Variants in UST observed in about 807,000 individuals in gnomAD.
UST encodes the protein uronyl 2-sulfotransferase.
In UST, 21 loss-of-function variants were observed where a neutral mutation model predicts 45.6. The observed-to-expected ratio is 0.46, with a 90% CI of 0.33 to 0.66. UST has a LOEUF of 0.66. UST is among the 30% of genes least tolerant of loss of function. The probability of loss-of-function intolerance (pLI) is 0.02; values close to 1 mark genes in which losing one functional copy is unlikely to be tolerated. For synonymous variants in UST, 215 were observed against 200.6 expected (o/e 1.07, Z -0.61); for missense variants, 463 against 512.4 (o/e 0.90, Z 0.93).
At chr6:148,951,120 C>A (rs1219932289) in intron 3 of UST, among the ~76,000 whole-genome samples, 1 of 152,208 alleles carries the variant, frequency 6.6e-6, no homozygotes, top group Non-Finnish European at 1.5e-5. Flanking sequence ...GGAGGGCTCT[C>A]ATTTGGCTGG....
At chr6:148,984,680 G>A (rs1024494285) in intron 5 of UST, among the ~76,000 whole-genome samples, 2 of 152,168 alleles carry the variant, frequency 1.3e-5, no homozygotes, top group African/African-American at 4.8e-5. Context: ...GGCTATAGGT[G>A]TGCACTACCC....
intron 6 of UST, among the ~76,000 whole-genome samples, 165 bp from the exon 7 acceptor site, chr6:149,021,159 G>A (rs1316241441): frequency 6.6e-6 from 1 of 152,208 alleles, no homozygotes; most frequent in East Asian, 1.9e-4. Flanking sequence ...CAGTTGGAAG[G>A]ACTGGGAAGG....
At chr6:148,825,407 C>G (rs1052093889) in intron 1 of UST, among the ~76,000 whole-genome samples, 4 of 152,148 alleles carry the variant, frequency 2.6e-5, no homozygotes, top group African/African-American at 9.7e-5. Context: ...TGGGTGCCTA[C>G]TTACCCAAAA....
chr6:148,925,942 C>G (rs1779806534), intron 2 of UST, among the ~76,000 whole-genome samples: 1 of 152,182 alleles, frequency 6.6e-6, no homozygotes, highest in African/African-American at 2.4e-5. Context: ...TTACCGTGAC[C>G]TAGCAGATTA....
intron 7 of UST, among the ~76,000 whole-genome samples, chr6:149,022,701 A>C (rs999626394): frequency 2.3e-4 from 35 of 152,186 alleles, no homozygotes; most frequent in African/African-American, 7.5e-4. Context: ...CACCTGCATC[A>C]CTGGTAGGTC....
chr6:149,075,521 A>C lies in UST; in HGVS notation c.*1405A>C, dbSNP rs1380453938. The C allele has an allele frequency of 6.6e-6, 1 of 152,114 alleles. No individual in the cohort carries two copies. Among genetic ancestry groups the C allele is most frequent in the Non-Finnish European group, 1.5e-5 (1 of 68,024 alleles). The allele number at this position is 152,114 out of a possible 1,614,324, so 9.4% of individuals were successfully genotyped here. A position where few individuals can be genotyped will look rare whatever the true frequency, so the allele number is the denominator to read the frequency against. On this transcript the variant is annotated 3_prime_UTR_variant, in exon 8 of 8. Coordinates refer to ENST00000367463, the MANE Select transcript of UST (RefSeq NM_005715.3). ...GCTGCCTCCAATGTGATGTGAGTACATGTTGGGCAGTCTCACTGTCCTAAG... is the reference window on the plus strand; with the variant it reads ...GCTGCCTCCAATGTGATGTGAGTACCTGTTGGGCAGTCTCACTGTCCTAAG...
chr6:149,010,210 G>T (rs1775782975), intron 5 of UST, among the ~76,000 whole-genome samples: 1 of 152,126 alleles, frequency 6.6e-6, no homozygotes, highest in African/African-American at 2.4e-5. Flanking sequence ...TAAATATTTT[G>T]TTATAGAAAT....
chr6:149,048,806 A>G (rs1281270118), intron 7 of UST, among the ~76,000 whole-genome samples: 1 of 152,242 alleles, frequency 6.6e-6, no homozygotes, highest in Non-Finnish European at 1.5e-5. Flanking sequence ...TATTAAAATG[A>G]GACCATATTT....
chr6:148,906,231 GTTTC>G (rs1326620142), intron 2 of UST, among the ~76,000 whole-genome samples: 2 of 150,812 alleles, frequency 1.3e-5, no homozygotes, highest in African/African-American at 5.0e-5. Context: ...TGCTTCTGCC[GTTTC>G]TTTCTTCCTC....
intron 2 of UST, among the ~76,000 whole-genome samples, chr6:148,917,704 G>T (rs1042537451): frequency 6.6e-6 from 1 of 152,174 alleles, no homozygotes; most frequent in African/African-American, 2.4e-5. Flanking sequence ...CTATGTGGGG[G>T]CAGGGGTCAG....
chr6:148,867,382 G>T (rs1167326811), intron 1 of UST, among the ~76,000 whole-genome samples: 1 of 151,648 alleles, frequency 6.6e-6, no homozygotes, highest in Non-Finnish European at 1.5e-5. Context: ...GTAAAATTCT[G>T]TGCTATAGCA....
At chr6:148,777,463 A>T (rs534223512) in intron 1 of UST, among the ~76,000 whole-genome samples, 1 of 152,364 alleles carries the variant, frequency 6.6e-6, no homozygotes, top group East Asian at 1.9e-4. Context: ...CCACATAATG[A>T]TGCTTTGGTA....
At chr6:148,874,265 A>G (rs552809642) in intron 1 of UST, among the ~76,000 whole-genome samples, 30 of 152,374 alleles carry the variant, frequency 2.0e-4, no homozygotes, top group African/African-American at 7.2e-4. Context: ...TTATAGCAGT[A>G]GTGCACTGAT....
At chr6:149,063,876 G>A (rs1016337293) in intron 7 of UST, among the ~76,000 whole-genome samples, 3 of 152,184 alleles carry the variant, frequency 2.0e-5, no homozygotes. Context: ...GAAACCTGGT[G>A]GAGATGTTAA....
chr6:148,953,041 C>A lies in UST; in HGVS notation c.448-831C>A, dbSNP rs75467049. On this transcript the variant is annotated intron_variant, in intron 3 of 7. Transcript: ENST00000367463. ...AACTGCAAATAAATAATTCAGATGACCACCCACCAAAACACCAAGACATTT... is the reference window on the plus strand; with the variant it reads ...AACTGCAAATAAATAATTCAGATGAACACCCACCAAAACACCAAGACATTT... Among the ~76,000 whole-genome samples the A allele has an allele frequency of 2.8e-4, 43 of 152,282 alleles. No individual in the cohort carries two copies. In the East Asian group the frequency reaches 8.1e-3, roughly 29 times the overall value.
chr6:148,846,454 G>C (rs976007278), intron 1 of UST, among the ~76,000 whole-genome samples: 12 of 151,974 alleles, frequency 7.9e-5, no homozygotes, highest in Non-Finnish European at 1.3e-4. Flanking sequence ...TTGTGGGTTG[G>C]GGGGAGGGGG....
At position 148,775,163 on chromosome 6, in the gene UST, G is replaced by A. The variant is rs574563467; in HGVS notation, c.247+27486G>A. On this transcript the variant is annotated intron_variant, in intron 1 of 7. Transcript: ENST00000367463. The stretch of plus-strand genomic sequence containing the variant: ...TATCCTCTCCGTCCCTCCTAGGCCC[G>A]CCCTCTACCTGAGGTAACTAGTATT... 2.6e-5 allele frequency among the ~76,000 whole-genome samples: 4 copies of A among 152,218 alleles called. No individual in the cohort carries two copies. In the South Asian group the frequency reaches 6.2e-4, roughly 24 times the overall value.
chr6:148,912,400 C>T (rs9377173), intron 2 of UST, among the ~76,000 whole-genome samples: 17 of 152,146 alleles, frequency 1.1e-4, no homozygotes, highest in East Asian at 3.9e-4. Flanking sequence ...GGACGAAGGC[C>T]GAGCAGGCCC....
chr6:149,011,480 T>G (rs777668479), intron 5 of UST, among the ~76,000 whole-genome samples: 3 of 152,198 alleles, frequency 2.0e-5, no homozygotes, highest in Non-Finnish European at 4.4e-5. Flanking sequence ...ATTGGATTGT[T>G]TGTAATACAA....
Sources: gnomAD v4.1 joint callset for allele counts (sites outside exome capture counted in the v4.1 genomes callset) on GRCh38, gnomAD v4.1.1 for gene constraint, MANE v1.5 for transcripts, NCBI Gene and HGNC (gene_info 2026-07-23, HGNC 2026-07-21) for gene names.